Variants in TENM1 observed in about 807,000 individuals in gnomAD.
TENM1 encodes the protein teneurin transmembrane protein 1, also known as teneurin-1.
TENM1 carries 35 observed loss-of-function variants against 174.8 expected under a neutral mutation model. The observed-to-expected ratio is 0.20, with a 90% confidence interval of 0.15 to 0.27. The LOEUF (loss-of-function observed/expected upper bound fraction) is 0.27. TENM1 is among the 10% of genes least tolerant of loss of function. TENM1 has a pLI of 1.00. For missense variants in TENM1, 1,633 were observed against 2,130.1 expected, an observed-to-expected ratio of 0.77 and a Z score of 4.59; for synonymous variants, 781 against 798.7, an observed-to-expected ratio of 0.98 and a Z score of 0.37.
chrX:124,631,313 TA>T (rs1180340263), intron 11 of TENM1, among the ~76,000 whole-genome samples: 2 of 111,445 alleles, frequency 1.8e-5, no homozygotes, highest in Non-Finnish European at 3.8e-5. Context: ...GAAAAATTAA[TA>T]AAAGGGTTAA....
chrX:124,671,402 G>A (rs910746521), intron 6 of TENM1, among the ~76,000 whole-genome samples: 3 of 111,542 alleles, frequency 2.7e-5, no homozygotes, highest in Admixed American at 9.5e-5. Flanking sequence ...AGTTATATGC[G>A]AAATGCAATT....
chrX:124,458,465 A>C (rs56108083), intron 22 of TENM1, among the ~76,000 whole-genome samples: 2,678 of 112,164 alleles, frequency 0.024, 32 homozygotes, highest in South Asian at 0.057. Flanking sequence ...CAGTAAGGAG[A>C]CACTAATAAA....
intron 3 of TENM1, among the ~76,000 whole-genome samples, chrX:124,878,911 T>C (rs766646181): frequency 6.3e-4 from 71 of 111,943 alleles, no homozygotes; most frequent in Non-Finnish European, 1.2e-3. Flanking sequence ...TCTTAAAGTG[T>C]TCCTCAAGGC....
chrX:125,157,461 T>C, the TENM1 span, among the ~76,000 whole-genome samples: 1 of 112,276 alleles, frequency 8.9e-6, no homozygotes, highest in Non-Finnish European at 1.9e-5. Context: ...ACATTACATA[T>C]GCTTTTGTAT....
At chrX:124,650,468 G>C (rs1186133467) in intron 8 of TENM1, among the ~76,000 whole-genome samples, 4 of 111,245 alleles carry the variant, frequency 3.6e-5, no homozygotes, top group South Asian at 3.8e-4. Context: ...AGGTTCTTTG[G>C]GGGAGGAAGT....
chrX:124,991,548 T>C, the TENM1 span, among the ~76,000 whole-genome samples: 1 of 109,230 alleles, frequency 9.2e-6, no homozygotes, highest in African/African-American at 3.3e-5. Context: ...GAAGAGAAAA[T>C]TAAAATTCAT....
At chrX:124,621,450 G>A (rs1254374366) in intron 11 of TENM1, among the ~76,000 whole-genome samples, 2 of 112,046 alleles carry the variant, frequency 1.8e-5, no homozygotes, top group Non-Finnish European at 3.8e-5. Context: ...TCCAGCCTGG[G>A]TGACACAGCA....
the TENM1 span, among the ~76,000 whole-genome samples, chrX:125,193,721 A>G: frequency 9.0e-6 from 1 of 111,088 alleles, no homozygotes; most frequent in Non-Finnish European, 1.9e-5. Context: ...ACCTGCCCCT[A>G]CGATTTCAAC....
chrX:124,605,060 G>C (rs1256700021), intron 11 of TENM1, among the ~76,000 whole-genome samples: 1 of 106,313 alleles, frequency 9.4e-6, no homozygotes, highest in Non-Finnish European at 1.9e-5. Context: ...CTTCAAAAAA[G>C]CCCCAAGAAC....
intron 1 of TENM1, among the ~76,000 whole-genome samples, chrX:124,948,616 G>A (rs146360459): frequency 0.014 from 1,540 of 112,476 alleles, 14 homozygotes; most frequent in Non-Finnish European, 0.024. Flanking sequence ...GCAGTGGCAC[G>A]ATCTTGGCTC....
At chrX:124,775,214 G>T (rs1472987899) in intron 3 of TENM1, among the ~76,000 whole-genome samples, 5 of 107,951 alleles carry the variant, frequency 4.6e-5, no homozygotes, top group Non-Finnish European at 9.6e-5. Flanking sequence ...GCTGAGGCAG[G>T]AGAATTGCTT....
At chrX:125,197,770 T>G in the TENM1 span, among the ~76,000 whole-genome samples, 1 of 112,050 alleles carries the variant, frequency 8.9e-6, no homozygotes, top group Non-Finnish European at 1.9e-5. Flanking sequence ...CATTCTATCA[T>G]TAATAGTTCT....
At chrX:125,092,757 A>C in the TENM1 span, among the ~76,000 whole-genome samples, 6 of 112,254 alleles carry the variant, frequency 5.3e-5, no homozygotes, top group East Asian at 1.7e-3. Context: ...AACAATTAGC[A>C]ACCAACACAC....
In TENM1 at chrX:124,517,501, T is replaced by C. The variant is rs779842550; in HGVS notation, c.3301+3016A>G. On this transcript the variant is annotated intron_variant, in intron 18 of 31. Coordinates refer to ENST00000422452, the Ensembl canonical transcript of TENM1. ...GCAGCCATAAAAAAGGATGAGTTCA[T>C]GTCCTTTGTAGGGACACGGATGAAG... 3.6e-3 allele frequency among the ~76,000 whole-genome samples: 390 copies of C among 109,251 alleles called. 3 individuals are homozygous for C. Among genetic ancestry groups the C allele is most frequent in the African/African-American group, 0.012 (372 of 29,969 alleles). 94.9% of individuals were successfully genotyped at this position (109,251 alleles called of 115,157 possible). A position where few individuals can be genotyped will look rare whatever the true frequency, so the allele number is the denominator to read the frequency against.
At chrX:124,943,284 T>G (rs2058357079) in intron 1 of TENM1, among the ~76,000 whole-genome samples, 1 of 111,379 alleles carries the variant, frequency 9.0e-6, no homozygotes, top group African/African-American at 3.3e-5. Flanking sequence ...AGGGACACTA[T>G]CTGCACAAAA....
At chrX:124,511,227 T>G (rs1389581714) in intron 18 of TENM1, among the ~76,000 whole-genome samples, 5 of 112,261 alleles carry the variant, frequency 4.5e-5, no homozygotes, top group Non-Finnish European at 7.5e-5. Context: ...TTCCTTTTCA[T>G]CTTCTGGTGA....
At chrX:124,550,852 G>A (rs996749837) in intron 14 of TENM1, among the ~76,000 whole-genome samples, 3 of 109,453 alleles carry the variant, frequency 2.7e-5, no homozygotes, top group East Asian at 2.9e-4. Context: ...TCTGTGTCCT[G>A]GGTTCAAGTG....
chrX:124,884,412 C>T (rs113100793), intron 3 of TENM1, among the ~76,000 whole-genome samples: 4 of 110,889 alleles, frequency 3.6e-5, no homozygotes, highest in African/African-American at 9.9e-5. Flanking sequence ...AATGTGACAT[C>T]TCTCTCTGGA....
intron 3 of TENM1, among the ~76,000 whole-genome samples, chrX:124,803,704 A>G: frequency 8.9e-6 from 1 of 112,732 alleles, no homozygotes; most frequent in Middle Eastern, 4.6e-3. Flanking sequence ...TCACCATTGA[A>G]TACATTGCAC....
Sources: gnomAD v4.1 joint callset for allele counts (sites outside exome capture counted in the v4.1 genomes callset) on GRCh38, gnomAD v4.1.1 for gene constraint, MANE v1.5 for transcripts, NCBI Gene and HGNC (gene_info 2026-07-23, HGNC 2026-07-21) for gene names.